FERMT2: variants seen among roughly 807,000 people sequenced by gnomAD.
FERMT2 encodes the protein FERM domain containing kindlin 2.
A neutral mutation model predicts 82.7 loss-of-function variants in FERMT2; 15 were observed. The observed-to-expected ratio is 0.18, with a 90% CI of 0.12 to 0.28. The LOEUF is 0.28. FERMT2 is among the 10% of genes least tolerant of loss of function. The pLI is 1.00. For missense variants in FERMT2, 645 were observed against 809.4 expected (o/e 0.80, Z 2.46); for synonymous variants, 274 against 271.5 (o/e 1.01, Z -0.09).
At chr14:52,905,423 TA>T (rs1345664984) in intron 3 of FERMT2, among the ~76,000 whole-genome samples, 2 of 152,152 alleles carry the variant, frequency 1.3e-5, no homozygotes. Flanking sequence ...TTGCTTTGAT[TA>T]AAAAATAATT....
At chr14:52,932,516 C>G (rs1325210114) in intron 2 of FERMT2, among the ~76,000 whole-genome samples, 5 of 152,144 alleles carry the variant, frequency 3.3e-5, no homozygotes, top group Non-Finnish European at 7.4e-5. Flanking sequence ...CATATAACTA[C>G]TTGAAGAATG....
At chr14:52,896,829 A>T (rs1461105337) in intron 3 of FERMT2, among the ~76,000 whole-genome samples, 1 of 151,900 alleles carries the variant, frequency 6.6e-6, no homozygotes, top group Non-Finnish European at 1.5e-5. Flanking sequence ...TTCTCTACAA[A>T]CAAAATTTTT....
intron 12 of FERMT2, chr14:52,860,795 TTTAA>T (rs1884882105): frequency 3.4e-6 from 2 of 586,960 alleles, no homozygotes; most frequent in Non-Finnish European, 5.9e-6. Flanking sequence ...ATACACGAGT[TTTAA>T]TTAAATTTAG....
intron 3 of FERMT2, among the ~76,000 whole-genome samples, chr14:52,913,917 G>A (rs1888468266): frequency 6.6e-6 from 1 of 152,058 alleles, no homozygotes; most frequent in Admixed American, 6.6e-5. Context: ...AGGAAGTAAG[G>A]TATAAGGAGC....
intron 4 of FERMT2, among the ~76,000 whole-genome samples, chr14:52,883,094 A>G (rs573982381): frequency 3.9e-5 from 6 of 152,164 alleles, no homozygotes; most frequent in Admixed American, 6.6e-5. Context: ...CGAAGGCTGC[A>G]GTGAGCCAAG....
intron 2 of FERMT2, among the ~76,000 whole-genome samples, chr14:52,925,721 C>T (rs1889229456): frequency 6.6e-6 from 1 of 152,124 alleles, no homozygotes; most frequent in Non-Finnish European, 1.5e-5. Context: ...TCATTGCAAC[C>T]TCCACTTCCC....
chr14:52,866,619 T>C (rs1489238741), intron 10 of FERMT2, among the ~76,000 whole-genome samples: 3 of 152,234 alleles, frequency 2.0e-5, no homozygotes, highest in Non-Finnish European at 4.4e-5. Flanking sequence ...TACAGATTCA[T>C]GGATACCAAC....
intron 2 of FERMT2, among the ~76,000 whole-genome samples, chr14:52,927,504 C>T (rs1299387209): frequency 2.8e-5 from 4 of 142,776 alleles, no homozygotes; most frequent in Non-Finnish European, 6.0e-5. Context: ...TCTGTAATCC[C>T]AACACTTTGG....
intron 3 of FERMT2, among the ~76,000 whole-genome samples, chr14:52,900,205 A>G (rs6572870): frequency 0.81 from 122,381 of 151,940 alleles, 49,450 homozygotes; most frequent in East Asian, 1. Context: ...TCGACTTCCC[A>G]GGCTCAGGCA....
chr14:52,872,621 A>G (rs568850539), intron 10 of FERMT2, among the ~76,000 whole-genome samples, 178 bp downstream of exon 10: 2 of 152,362 alleles, frequency 1.3e-5, no homozygotes, highest in East Asian at 3.9e-4. Flanking sequence ...GGAATTGAAT[A>G]CTTCAAACCT....
intron 2 of FERMT2, among the ~76,000 whole-genome samples, chr14:52,920,781 C>A (rs1455024873): frequency 6.6e-6 from 1 of 151,882 alleles, no homozygotes; most frequent in African/African-American, 2.4e-5. Flanking sequence ...GGTGAAACCC[C>A]ATCTCTACAA....
intron 10 of FERMT2, among the ~76,000 whole-genome samples, chr14:52,866,950 C>T (rs188991517): frequency 1.8e-4 from 27 of 152,226 alleles, no homozygotes; most frequent in African/African-American, 6.3e-4. Context: ...CTCTCAGACA[C>T]TACATTTCCT....
intron 4 of FERMT2, among the ~76,000 whole-genome samples, chr14:52,890,158 T>C (rs1594953367): frequency 6.8e-6 from 1 of 146,614 alleles, no homozygotes; most frequent in Non-Finnish European, 1.5e-5. Flanking sequence ...GAAGGCTGGG[T>C]GCGGTGGCTC....
chr14:52,939,368 G>C (rs1471037866), intron 2 of FERMT2, among the ~76,000 whole-genome samples: 4 of 125,456 alleles, frequency 3.2e-5, no homozygotes, highest in East Asian at 5.8e-4. Flanking sequence ...GTGAGACTAC[G>C]GTCTCAAAAA....
intron 3 of FERMT2, among the ~76,000 whole-genome samples, chr14:52,909,870 T>C (rs1466351221): frequency 6.6e-6 from 1 of 152,048 alleles, no homozygotes. Flanking sequence ...CTGGCAAACA[T>C]GGTGAAACCC....
intron 4 of FERMT2, among the ~76,000 whole-genome samples, chr14:52,891,242 T>C (rs1045047569): frequency 6.6e-6 from 1 of 152,150 alleles, no homozygotes; most frequent in Non-Finnish European, 1.5e-5. Flanking sequence ...GACTGCCTTT[T>C]CCCATCAAAA....
chr14:52,882,657 G>A (rs910337996), intron 4 of FERMT2, among the ~76,000 whole-genome samples: 3 of 151,990 alleles, frequency 2.0e-5, no homozygotes, highest in African/African-American at 7.3e-5. Flanking sequence ...CTAAATTTAG[G>A]GTTAAGCTTA....
At chr14:52,882,795 G>GGCAAAGT (rs71125142) in intron 4 of FERMT2, among the ~76,000 whole-genome samples, 1 of 149,268 alleles carries the variant, frequency 6.7e-6, no homozygotes, top group Non-Finnish European at 1.5e-5. Flanking sequence ...AGGAAGCAAA[G>GGCAAAGT]TTAAAAAAAA....
At position 52,867,701 on chromosome 14, in the gene FERMT2, G is replaced by T. The variant is rs185824663; in HGVS notation, c.1274-2848C>A. On this transcript the variant is annotated intron_variant, in intron 10 of 14. Coordinates refer to ENST00000341590, the MANE Select transcript of FERMT2 (RefSeq NM_006832.3). ...GCTAGCTCCAAATAGACATCCCACA[G>T]GCACCTCAAATTCAAAATATCCCCA... Among the ~76,000 whole-genome samples, 5 of 152,056 alleles carry T rather than the reference G, an allele frequency of 3.3e-5. No homozygotes were observed. The East Asian group carries it at 9.7e-4, about 29-fold the overall frequency.
Sources: allele counts gnomAD v4.1 joint callset (sites outside exome capture counted in the v4.1 genomes callset), GRCh38; gene constraint gnomAD v4.1.1; transcripts MANE v1.5; gene names NCBI Gene and HGNC (gene_info 2026-07-23, HGNC 2026-07-21).